Variants in SAP30BP observed in about 807,000 individuals in gnomAD.
The protein encoded by SAP30BP is SAP30 binding protein.
Under a neutral mutation model 46.3 loss-of-function variants are expected in SAP30BP, and 31 were observed. That is an observed-to-expected ratio of 0.67 (90% CI 0.50 to 0.90). The LOEUF (loss-of-function observed/expected upper bound fraction) is 0.90, where lower values mean the gene tolerates loss of function less well. SAP30BP is among the 40% of genes least tolerant of loss of function. SAP30BP has a pLI of 0.00. For synonymous variants in SAP30BP, 169 were observed against 144.2 expected, an observed-to-expected ratio of 1.17 and a Z score of -1.23; for missense variants, 312 against 391.0, an observed-to-expected ratio of 0.80 and a Z score of 1.70.
chr17:75,669,552 A>T (rs1011684921), intron 2 of SAP30BP, among the ~76,000 whole-genome samples: 3 of 151,724 alleles, frequency 2.0e-5, no homozygotes, highest in African/African-American at 7.3e-5. Flanking sequence ...CGATTTTTAA[A>T]ATTTAAAAAA....
rs1325197214 is a variant in SAP30BP at position 75,707,606 on chromosome 17, G to A, written c.*1085G>A. ...TGAAATGGCACCTGGTACTCTTGTG[G>A]GACCTGGGGAATATAAGGAACTCTG... On this transcript the variant is annotated 3_prime_UTR_variant, in exon 11 of 11. Coordinates refer to ENST00000584667, the MANE Select transcript of SAP30BP (RefSeq NM_013260.8). The A allele has an allele frequency of 6.6e-6, 1 of 152,638 alleles. No individual in the cohort carries two copies. The highest frequency in any genetic ancestry group is 2.4e-5 in the African/African-American group (1 of 41,428). 9.5% of individuals were successfully genotyped at this position (152,638 alleles called of 1,614,324 possible).
chr17:75,703,496 C>A, intron 7 of SAP30BP, 125 bp downstream of exon 7: 1 of 795,176 alleles, frequency 1.3e-6, no homozygotes. Context: ...AAGCACAGTC[C>A]CTGTCTCTTT....
At position 75,682,179 on chromosome 17, in the gene SAP30BP, C is replaced by G. The variant is rs182988315; in HGVS notation, c.264+10316C>G. 4.0e-3 allele frequency among the ~76,000 whole-genome samples: 614 copies of G among 151,788 alleles called. 3 individuals carry two copies. Among genetic ancestry groups the G allele is most frequent in the Non-Finnish European group, 5.0e-3 (340 of 67,918 alleles). ...AATCACCTAATCTCATGATGCTAAC[C>G]ATACGACCATTTTTTTTTTTTTGAG... On this transcript the variant is annotated intron_variant, in intron 3 of 10. Coordinates refer to ENST00000584667, the MANE Select transcript of SAP30BP (RefSeq NM_013260.8).
At chr17:75,702,091 C>T (rs1341683082) in intron 5 of SAP30BP, among the ~76,000 whole-genome samples, 1 of 152,188 alleles carries the variant, frequency 6.6e-6, no homozygotes, top group East Asian at 1.9e-4. Flanking sequence ...GGCATGATCT[C>T]AGCTCACTGC....
At chr17:75,671,371 G>A (rs1454638544) in intron 2 of SAP30BP, among the ~76,000 whole-genome samples, 3 of 152,170 alleles carry the variant, frequency 2.0e-5, no homozygotes, top group African/African-American at 7.2e-5. Context: ...GTTAGAGTAG[G>A]TCCGAGTCTG....
intron 4 of SAP30BP, among the ~76,000 whole-genome samples, chr17:75,698,803 A>G (rs1434606915): frequency 2.6e-5 from 4 of 152,226 alleles, no homozygotes; most frequent in South Asian, 4.1e-4. Flanking sequence ...AGAAATGGCA[A>G]ATGCCACAGA....
intron 3 of SAP30BP, among the ~76,000 whole-genome samples, chr17:75,682,153 A>T (rs946486481): frequency 4.6e-5 from 7 of 152,024 alleles, no homozygotes; most frequent in Non-Finnish European, 8.8e-5. Flanking sequence ...AAAGGAAAAA[A>T]AATCACCTAA....
intron 3 of SAP30BP, among the ~76,000 whole-genome samples, chr17:75,678,466 AC>A (rs2094801648): frequency 7.7e-6 from 1 of 129,964 alleles, no homozygotes; most frequent in African/African-American, 3.2e-5. Context: ...AATTTAAAAC[AC>A]ACACACACAC....
intron 9 of SAP30BP, chr17:75,705,707 G>T (rs562268219): frequency 8.5e-7 from 1 of 1,175,346 alleles, no homozygotes; most frequent in Non-Finnish European, 1.1e-6. Flanking sequence ...AGGAGGAGGG[G>T]CCTGGCCAAA....
chr17:75,677,698 A>G (rs995009359), intron 3 of SAP30BP, among the ~76,000 whole-genome samples: 5 of 143,628 alleles, frequency 3.5e-5, no homozygotes, highest in African/African-American at 5.2e-5. Context: ...CACCCACCTC[A>G]GCCTTCCATA....
At chr17:75,705,557 A>T (rs2060483383) in intron 9 of SAP30BP, 1 of 954,256 alleles carries the variant, frequency 1.0e-6, no homozygotes, top group African/African-American at 1.8e-5. Context: ...TCTCATTCTT[A>T]ACCCTTGATT....
chr17:75,689,153 A>C (rs533565265), intron 3 of SAP30BP, among the ~76,000 whole-genome samples: 2 of 117,832 alleles, frequency 1.7e-5, no homozygotes, highest in Non-Finnish European at 1.7e-5. Context: ...TTTTCCTTGT[A>C]TCTTTTTTTT....
intron 2 of SAP30BP, among the ~76,000 whole-genome samples, chr17:75,671,511 G>A (rs2148368693): frequency 6.6e-6 from 1 of 152,270 alleles, no homozygotes; most frequent in South Asian, 2.1e-4. Context: ...CATATTGCAA[G>A]CTTTCTCCAT....
In SAP30BP at chr17:75,706,875, C is replaced by A. The variant is rs1351950135; in HGVS notation, c.*354C>A. The stretch of plus-strand genomic sequence containing the variant: ...GTTGGGACTATTGCCTCAGGGTTGA[C>A]AACAGGGTGATGGAGGCCTGGGACG... On this transcript the variant is annotated 3_prime_UTR_variant, in exon 11 of 11. Coordinates refer to ENST00000584667, the MANE Select transcript of SAP30BP (RefSeq NM_013260.8). The surrounding 1 kb of genome is among the most constrained non-coding windows in gnomAD (Gnocchi z 4.6). 3.7e-6 allele frequency: 1 copy of A among 269,140 alleles called. No homozygotes were observed. The highest frequency in any genetic ancestry group is 8.0e-5 in the East Asian group (1 of 12,494). 16.7% of individuals were successfully genotyped at this position (269,140 alleles called of 1,614,324 possible).
rs751658773 is a variant in SAP30BP, at chr17:75,706,075, C to G, written c.728C>G (p.Ala243Gly). Residue 243 changes from alanine (A) to glycine (G), a missense_variant, in exon 10 of 11, where the codon GCC (alanine) becomes GGC (glycine). Transcript: ENST00000584667. The surrounding 1 kb of genome is among the most constrained non-coding windows in gnomAD (Gnocchi z 4.6). ...TNATSTTTTT[A>G]STAVADAQKR... ...GCCACGTCCACCACCACTACCACTG[C>G]CAGCACAGCTGTTGCAGGTAGATTG... 6.2e-6 allele frequency: 10 copies of G among 1,613,062 alleles called. No homozygotes were observed. The highest frequency in any genetic ancestry group is 8.5e-6 in the Non-Finnish European group (10 of 1,179,650).
chr17:75,694,674 T>C (rs2060289724), intron 4 of SAP30BP, among the ~76,000 whole-genome samples: 1 of 152,232 alleles, frequency 6.6e-6, no homozygotes, highest in African/African-American at 2.4e-5. Flanking sequence ...CCTTGGCCTC[T>C]TATCCCCGCC....
intron 3 of SAP30BP, among the ~76,000 whole-genome samples, chr17:75,682,739 G>A (rs899447450): frequency 5.9e-5 from 9 of 151,844 alleles, no homozygotes; most frequent in African/African-American, 9.6e-5. Flanking sequence ...CAAGGCGGGC[G>A]AATCACGAGG....
chr17:75,706,140 G>T lies in SAP30BP; in HGVS notation c.745+48G>T, dbSNP rs2060493945. The T allele has an allele frequency of 1.3e-6, 2 of 1,588,440 alleles. No individual in the cohort carries two copies. Among genetic ancestry groups the T allele is most frequent in the African/African-American group, 2.7e-5 (2 of 74,684 alleles). Reference sequence around the variant, plus strand: ...CTCCTGCCACACACATGGAGCCAGGGTCTCCCTGGCTTGTTTGGGCGACAG... The same window carrying T: ...CTCCTGCCACACACATGGAGCCAGGTTCTCCCTGGCTTGTTTGGGCGACAG... On this transcript the variant is annotated intron_variant, in intron 10 of 10. Coordinates refer to ENST00000584667, the MANE Select transcript of SAP30BP (RefSeq NM_013260.8). This position sits in a 1 kb window ranked among gnomAD's most constrained non-coding sequence, Gnocchi z 4.6.
Position 75,668,889 on chromosome 17 carries a change from G to C in SAP30BP, c.216+264G>C, listed in dbSNP as rs568548800. Among the ~76,000 whole-genome samples, 10 of 152,240 alleles carry C rather than the reference G, an allele frequency of 6.6e-5. No homozygotes were observed. In the South Asian group the frequency reaches 2.1e-3, roughly 32 times the overall value. ...TTATTTAACCCAGATATCAATGGGT[G>C]TTTTATGTTGATTTTTCCCTGTTTA... On this transcript the variant is annotated intron_variant, in intron 2 of 10. Coordinates refer to ENST00000584667, the MANE Select transcript of SAP30BP (RefSeq NM_013260.8).
Sources: allele counts gnomAD v4.1 joint callset (sites outside exome capture counted in the v4.1 genomes callset), GRCh38; gene constraint gnomAD v4.1.1; non-coding constraint Gnocchi (gnomAD v3.1); transcripts MANE v1.5; gene names NCBI Gene and HGNC (gene_info 2026-07-23, HGNC 2026-07-21).